Variants in KLF8 observed in about 807,000 individuals in gnomAD.
KLF8 encodes KLF transcription factor 8, also known as Krueppel-like factor 8.
KLF8 carries 10 observed loss-of-function variants against 18.2 expected under a neutral mutation model. The ratio of observed to expected loss-of-function variants is 0.55; its 90% CI spans 0.34 to 0.93. The LOEUF (loss-of-function observed/expected upper bound fraction) is 0.93. Among genes scored for constraint, KLF8 ranks in the 40% least tolerant of loss-of-function variants. KLF8 has a pLI of 0.02. For synonymous variants in KLF8, 109 were observed against 97.3 expected (o/e 1.12, Z -0.71); for missense variants, 264 against 277.9 (o/e 0.95, Z 0.36).
the KLF8 span, among the ~76,000 whole-genome samples, chrX:56,157,973 G>T: frequency 8.9e-6 from 1 of 112,041 alleles, no homozygotes; most frequent in Non-Finnish European, 1.9e-5. Flanking sequence ...CCATGCCTAT[G>T]TCCTGAATGG....
chrX:55,924,814 G>A, the KLF8 span, among the ~76,000 whole-genome samples: 4 of 91,552 alleles, frequency 4.4e-5, no homozygotes, highest in Non-Finnish European at 8.1e-5. Context: ...TGGTGGTTTC[G>A]TGGTGGTTTT....
the KLF8 span, among the ~76,000 whole-genome samples, chrX:56,068,963 A>G: frequency 8.9e-6 from 1 of 112,390 alleles, no homozygotes; most frequent in African/African-American, 3.2e-5. Flanking sequence ...ACACCTGGTC[A>G]GCCATGCACA....
At chrX:55,986,696 T>G in the KLF8 span, among the ~76,000 whole-genome samples, 5 of 112,126 alleles carry the variant, frequency 4.5e-5, no homozygotes, top group African/African-American at 6.5e-5. Flanking sequence ...TTATTTGATT[T>G]TTTCAACTTT....
At chrX:56,199,477 C>T in the KLF8 span, among the ~76,000 whole-genome samples, 19 of 112,099 alleles carry the variant, frequency 1.7e-4, no homozygotes, top group Admixed American at 1.1e-3. Flanking sequence ...AGCCTACAGA[C>T]ACATGAAAAA....
chrX:56,186,789 C>T, the KLF8 span, among the ~76,000 whole-genome samples: 74 of 111,882 alleles, frequency 6.6e-4, no homozygotes, highest in Non-Finnish European at 1.1e-3. Context: ...GGGTACATAA[C>T]GAAATGAAGT....
At chrX:56,197,686 T>C in the KLF8 span, among the ~76,000 whole-genome samples, 2 of 112,023 alleles carry the variant, frequency 1.8e-5, no homozygotes, top group East Asian at 5.6e-4. Flanking sequence ...CCATTCCTTC[T>C]GAAATTATTC....
At chrX:56,146,566 G>A in the KLF8 span, among the ~76,000 whole-genome samples, 1 of 110,746 alleles carries the variant, frequency 9.0e-6, no homozygotes, top group Admixed American at 9.7e-5. Flanking sequence ...CTGTCTGGAT[G>A]TGGGGGGATT....
chrX:56,206,525 C>T, the KLF8 span, among the ~76,000 whole-genome samples: 1 of 112,243 alleles, frequency 8.9e-6, no homozygotes, highest in Admixed American at 9.4e-5. Context: ...ATGGGGCAGT[C>T]AAATGTTAAA....
chrX:56,179,059 A>T, the KLF8 span, among the ~76,000 whole-genome samples: 2 of 112,032 alleles, frequency 1.8e-5, no homozygotes, highest in Admixed American at 9.5e-5. Flanking sequence ...CATTGAATCT[A>T]TAAATTACCT....
chrX:56,059,432 C>T, the KLF8 span, among the ~76,000 whole-genome samples: 2 of 111,960 alleles, frequency 1.8e-5, no homozygotes, highest in Admixed American at 1.9e-4. Context: ...TTGCCCATGC[C>T]TTTGTCCTGA....
chrX:56,083,167 G>A, the KLF8 span, among the ~76,000 whole-genome samples: 1 of 111,896 alleles, frequency 8.9e-6, no homozygotes, highest in Non-Finnish European at 1.9e-5. Context: ...TATTTGGCTT[G>A]ATGGTGTCCC....
the KLF8 span, among the ~76,000 whole-genome samples, chrX:56,176,552 A>C: frequency 9.0e-6 from 1 of 110,573 alleles, no homozygotes; most frequent in Non-Finnish European, 1.9e-5. Context: ...CCTTCATTTC[A>C]ACTTTGGTGA....
the KLF8 span, among the ~76,000 whole-genome samples, chrX:56,030,962 G>T: frequency 9.1e-6 from 1 of 110,415 alleles, no homozygotes; most frequent in South Asian, 3.9e-4. Context: ...ACTGATCTGG[G>T]TGTCCTGGCT....
chrX:55,982,480 A>G, the KLF8 span, among the ~76,000 whole-genome samples: 2 of 111,954 alleles, frequency 1.8e-5, no homozygotes, highest in Non-Finnish European at 3.8e-5. Flanking sequence ...TTATTGTAAT[A>G]TCCTTCTAAC....
At chrX:56,072,460 C>A in the KLF8 span, among the ~76,000 whole-genome samples, 3 of 111,499 alleles carry the variant, frequency 2.7e-5, no homozygotes, top group Non-Finnish European at 5.7e-5. Flanking sequence ...GTGTTATTGG[C>A]AGGTAGATTA....
At chrX:56,199,670 T>C in the KLF8 span, among the ~76,000 whole-genome samples, 9 of 111,946 alleles carry the variant, frequency 8.0e-5, no homozygotes, top group Admixed American at 2.9e-4. Flanking sequence ...TAAGAGAGTG[T>C]GGCGATTTTT....
In KLF8 at chrX:56,289,981, C is replaced by T. The variant is rs939266116; in HGVS notation, c.*5487C>T. ...ACCTTAAATAAGCCAAGGGAACTTA[C>T]TGATGCTCCACAGTTTGCTAATTCT... On this transcript the variant is annotated 3_prime_UTR_variant, in exon 6 of 6. Coordinates refer to ENST00000468660, the MANE Select transcript of KLF8 (RefSeq NM_007250.5). 3.6e-5 allele frequency among the ~76,000 whole-genome samples: 4 copies of T among 111,670 alleles called. No individual in the cohort carries two copies. Among genetic ancestry groups the T allele is most frequent in the African/African-American group, 1.3e-4 (4 of 30,710 alleles).
At chrX:56,124,390 G>A in the KLF8 span, among the ~76,000 whole-genome samples, 1 of 111,854 alleles carries the variant, frequency 8.9e-6, no homozygotes, top group Admixed American at 9.5e-5. Flanking sequence ...TACAACTTGG[G>A]AATAACAGAG....
At chrX:55,939,636 A>C in the KLF8 span, among the ~76,000 whole-genome samples, 1 of 111,779 alleles carries the variant, frequency 8.9e-6, no homozygotes, top group South Asian at 3.8e-4. Flanking sequence ...TAGCAAGAGT[A>C]ATAAAGAAGA....
Sources: gnomAD v4.1 joint callset for allele counts (sites outside exome capture counted in the v4.1 genomes callset) on GRCh38, gnomAD v4.1.1 for gene constraint, MANE v1.5 for transcripts, NCBI Gene and HGNC (gene_info 2026-07-23, HGNC 2026-07-21) for gene names.